The following PAN3 variants were observed in gnomAD, a reference collection of about 807,000 sequenced individuals.
PAN3 encodes PAN2-PAN3 deadenylation complex subunit PAN3.
PAN3 carries 19 observed loss-of-function variants against 96.2 expected under a neutral mutation model. The observed-to-expected ratio is 0.20, with a 90% CI of 0.14 to 0.29. The LOEUF (loss-of-function observed/expected upper bound fraction) is 0.29. Among genes scored for constraint, PAN3 ranks in the 10% least tolerant of loss-of-function variants. The pLI, the probability that PAN3 is intolerant of heterozygous loss-of-function variation, is 1.00. For synonymous variants in PAN3, 433 were observed against 406.6 expected (o/e 1.06, Z -0.78); for missense variants, 882 against 1,108.1 (o/e 0.80, Z 2.90).
At chr13:28,239,870 A>C (rs1361740903) in intron 6 of PAN3, 3 of 321,784 alleles carry the variant, frequency 9.3e-6, no homozygotes, top group African/African-American at 2.2e-5. Flanking sequence ...AAAGTGGATA[A>C]ATTTTACTGC....
chr13:28,206,535 T>C (rs1055149602), intron 5 of PAN3, among the ~76,000 whole-genome samples: 1 of 151,936 alleles, frequency 6.6e-6, no homozygotes, highest in South Asian at 2.1e-4. Context: ...TTGTCCAGGC[T>C]GGTCTCGAAC....
chr13:28,213,538 A>C (rs1018304892), intron 5 of PAN3, among the ~76,000 whole-genome samples: 14 of 152,266 alleles, frequency 9.2e-5, no homozygotes, highest in African/African-American at 3.1e-4. Flanking sequence ...AAACTGGTAA[A>C]ATTCAAACGA....
At chr13:28,180,380 T>C (rs1460956399) in intron 4 of PAN3, among the ~76,000 whole-genome samples, 2 of 152,192 alleles carry the variant, frequency 1.3e-5, no homozygotes, top group African/African-American at 4.8e-5. Context: ...TTAGAATCTT[T>C]GTGGGTACAG....
At chr13:28,201,579 C>T (rs190393406) in intron 5 of PAN3, among the ~76,000 whole-genome samples, 8 of 151,092 alleles carry the variant, frequency 5.3e-5, no homozygotes, top group Middle Eastern at 3.4e-3. Context: ...TTTTAAGAGA[C>T]GGGGGAGTGG....
At chr13:28,153,536 C>T (rs758158368) in intron 1 of PAN3, among the ~76,000 whole-genome samples, 3 of 151,942 alleles carry the variant, frequency 2.0e-5, no homozygotes, top group African/African-American at 7.3e-5. Context: ...CATCCCCAGT[C>T]GTAATACACT....
In PAN3 at chr13:28,269,166, A is replaced by G. The variant is rs528186904; in HGVS notation, c.1793-1535A>G. ...TTCTGCCTACTGAATGCCAGTAGCA[A>G]TCCCCCTCTACCCCTATTGTAATGC... is the stretch of plus-strand genomic sequence containing the variant. On this transcript the variant is annotated intron_variant, in intron 12 of 18. Coordinates refer to ENST00000380958, the MANE Select transcript of PAN3 (RefSeq NM_175854.8). 2.4e-4 allele frequency among the ~76,000 whole-genome samples: 37 copies of G among 152,256 alleles called. No homozygotes were observed. The South Asian group carries it at 5.6e-3, about 23-fold the overall frequency.
intron 4 of PAN3, among the ~76,000 whole-genome samples, chr13:28,192,083 TCACC>T (rs1469521151): frequency 1.4e-5 from 2 of 142,680 alleles, no homozygotes; most frequent in Admixed American, 7.2e-5. Context: ...TGAGTCTCTG[TCACC>T]CAGGCTGGAG....
chr13:28,204,973 T>C (rs562321090), intron 5 of PAN3, among the ~76,000 whole-genome samples: 6 of 152,332 alleles, frequency 3.9e-5, no homozygotes, highest in Non-Finnish European at 7.4e-5. Flanking sequence ...GCTACTTTTT[T>C]CCCCTTGTCT....
At chr13:28,247,605 A>G (rs901045542) in intron 6 of PAN3, among the ~76,000 whole-genome samples, 11 of 152,178 alleles carry the variant, frequency 7.2e-5, no homozygotes, top group African/African-American at 2.7e-4. Flanking sequence ...ATCTTTGCAT[A>G]TGGTAAGAGA....
chr13:28,241,343 G>A (rs1405026058), intron 6 of PAN3, among the ~76,000 whole-genome samples: 1 of 152,198 alleles, frequency 6.6e-6, no homozygotes, highest in Non-Finnish European at 1.5e-5. Context: ...GTCATCTGGA[G>A]CTTGGGAATT....
chr13:28,247,255 A>T (rs1248530402), intron 6 of PAN3, among the ~76,000 whole-genome samples: 2 of 152,036 alleles, frequency 1.3e-5, no homozygotes, highest in African/African-American at 2.4e-5. Flanking sequence ...CTATTTTAAA[A>T]TCAGACTATT....
Position 28,256,367 on chromosome 13 carries a change from G to C in PAN3, c.1076G>C (p.Arg359Thr). The C allele has an allele frequency of 6.2e-7, 1 of 1,613,992 alleles. No homozygotes were observed. Among genetic ancestry groups the C allele is most frequent in the Non-Finnish European group, 8.5e-7 (1 of 1,179,880 alleles). The part of the protein sequence containing the change: ...ITPHTSPAPR[R>T]RSHTPNPASY... ...CCACATACTTCTCCTGCTCCCAGAA[G>C]AAGAAGTCACACTCCAAATCCAGCA... Residue 359 changes from arginine to threonine, a missense_variant, in exon 7 of 19, where the codon AGA (arginine) becomes ACA (threonine). Transcript: ENST00000380958.
At chr13:28,152,915 A>AT (rs1393101921) in intron 1 of PAN3, among the ~76,000 whole-genome samples, 1 of 152,164 alleles carries the variant, frequency 6.6e-6, no homozygotes, top group Non-Finnish European at 1.5e-5. Flanking sequence ...TTGTGTGGGT[A>AT]TGGGGGGGAA....
intron 7 of PAN3, among the ~76,000 whole-genome samples, chr13:28,258,254 G>GT (rs1229562581): frequency 6.6e-6 from 1 of 152,208 alleles, no homozygotes; most frequent in African/African-American, 2.4e-5. Context: ...GAGCAGTCAT[G>GT]TTAGGGCAGC....
chr13:28,177,876 T>C lies in PAN3; in HGVS notation c.631T>C (p.Ser211Pro), dbSNP rs1400652219. The C allele has an allele frequency of 6.2e-7, 1 of 1,612,878 alleles. No homozygotes were observed. Among genetic ancestry groups the C allele is most frequent in the Non-Finnish European group, 8.5e-7 (1 of 1,179,216 alleles). The change falls in exon 4 of 19, where the codon TCA (serine) becomes CCA (proline). Residue 211 changes from serine (S) to proline (P), a missense_variant. Around this residue, in one of 3 missense-constraint regions of PAN3, gnomAD observed 442 missense variants for 422.8 expected, o/e 1.05. Coordinates refer to ENST00000380958, the MANE Select transcript of PAN3 (RefSeq NM_175854.8). The stretch of plus-strand genomic sequence containing the variant: ...AACTTACCTTTCAGATCCTCTAACA[T>C]CACCTGCTTCATCCTTGTTTAATGA... ...KPYSAHDPLT[S>P]PASSLFNDFG...
In PAN3 at chr13:28,208,599, G is replaced by A. The variant is rs78090645; in HGVS notation, c.852+11253G>A. On this transcript the variant is annotated intron_variant, in intron 5 of 18. Transcript: ENST00000380958. ...TCTTAAACCTGAGAAGACCTGGCCC[G>A]AAATACTGCATTGAACATTGACTTT... 2.9e-4 allele frequency among the ~76,000 whole-genome samples: 44 copies of A among 152,028 alleles called. 2 individuals carry two copies. In the East Asian group the frequency reaches 7.9e-3, roughly 27 times the overall value.
chr13:28,199,719 T>TA (rs1878479054), intron 5 of PAN3, among the ~76,000 whole-genome samples: 1 of 152,136 alleles, frequency 6.6e-6, no homozygotes, highest in South Asian at 2.1e-4. Flanking sequence ...AAAAGTAACT[T>TA]ACCAATTCCA....
At chr13:28,167,673 C>CAAA (rs1166063021) in intron 1 of PAN3, among the ~76,000 whole-genome samples, 49 of 61,296 alleles carry the variant, frequency 8.0e-4, no homozygotes, top group African/African-American at 2.5e-3. Context: ...CCTGTCTCTA[C>CAAA]AAAAAAAAAA....
intron 5 of PAN3, among the ~76,000 whole-genome samples, chr13:28,206,652 TA>T (rs1306879240): frequency 3.3e-5 from 5 of 152,122 alleles, no homozygotes; most frequent in Admixed American, 3.3e-4. Flanking sequence ...GCATTCCTCT[TA>T]CTTGCCCTCT....
Sources: gnomAD v4.1 joint callset for allele counts (sites outside exome capture counted in the v4.1 genomes callset) on GRCh38, gnomAD v4.1.1 for gene constraint, gnomAD v4.1.1 regional missense constraint, MANE v1.5 for transcripts, NCBI Gene and HGNC (gene_info 2026-07-23, HGNC 2026-07-21) for gene names.